LGR6: variants seen among roughly 807,000 people sequenced by gnomAD.
LGR6 encodes leucine-rich repeat-containing G protein-coupled receptor 6.
A neutral mutation model predicts 69.4 loss-of-function variants in LGR6; 45 were observed. That is an observed-to-expected ratio of 0.65 (90% CI 0.51 to 0.83). The LOEUF (loss-of-function observed/expected upper bound fraction) is 0.83, where lower values mean the gene tolerates loss of function less well. Among genes scored for constraint, LGR6 ranks in the 40% least tolerant of loss-of-function variants. LGR6 has a pLI of 0.00. For synonymous variants in LGR6, 538 were observed against 555.0 expected, an observed-to-expected ratio of 0.97 and a Z score of 0.43; for missense variants, 1,108 against 1,246.7, an observed-to-expected ratio of 0.89 and a Z score of 1.68.
chr1:202,217,047 A>G (rs2147929271), intron 1 of LGR6, among the ~76,000 whole-genome samples: 1 of 152,202 alleles, frequency 6.6e-6, no homozygotes. Flanking sequence ...TGCCGGGGAG[A>G]GCTAGAGATG....
At chr1:202,199,536 GC>G (rs1408798241) in intron 1 of LGR6, among the ~76,000 whole-genome samples, 6 of 152,300 alleles carry the variant, frequency 3.9e-5, no homozygotes, top group African/African-American at 1.4e-4. Flanking sequence ...GGAGAAGAAA[GC>G]CTGGCTCAGA....
At chr1:202,245,415 G>T (rs1163355643) in intron 4 of LGR6, among the ~76,000 whole-genome samples, 1 of 152,124 alleles carries the variant, frequency 6.6e-6, no homozygotes, top group African/African-American at 2.4e-5. Flanking sequence ...AGGGGATCAG[G>T]GGTGATTCTT....
Position 202,318,755 on chromosome 1 carries a change from C to G in LGR6, c.2452C>G (p.Leu818Val). 6.2e-7 allele frequency: 1 copy of G among 1,613,424 alleles called. No homozygotes were observed. The highest frequency in any genetic ancestry group is 2.2e-5 in the East Asian group (1 of 44,882). Residue 818 changes from leucine to valine, a missense_variant, in exon 18 of 18, where the codon CTG (leucine) becomes GTG (valine). Leu to Val is a conservative substitution (Grantham distance 32, BLOSUM62 1). Coordinates refer to ENST00000367278, the MANE Select transcript of LGR6 (RefSeq NM_001017403.2). ...GTCTGTCCTGCTGGTGGTGCTGCCC[C>G]TGCCTGCCTGCCTCAACCCACTGCT... ...VKSVLLVVLPLPACLNPLLYL... is the reference protein window; with the variant it reads ...VKSVLLVVLPVPACLNPLLYL...
intron 4 of LGR6, among the ~76,000 whole-genome samples, chr1:202,267,151 A>C (rs1664734435): frequency 6.6e-6 from 1 of 152,218 alleles, no homozygotes; most frequent in Non-Finnish European, 1.5e-5. Context: ...GCGGATAATG[A>C]ATATGTCTCT....
chr1:202,280,655 A>G, intron 5 of LGR6, 126 bp from the exon 6 acceptor site: 1 of 855,706 alleles, frequency 1.2e-6, no homozygotes, highest in South Asian at 1.4e-5. Context: ...AAACAAACGG[A>G]TGGACCATTA....
chr1:202,285,355 T>A (rs1053875068), intron 6 of LGR6, among the ~76,000 whole-genome samples: 2 of 152,218 alleles, frequency 1.3e-5, no homozygotes, highest in Non-Finnish European at 2.9e-5. Flanking sequence ...ATCGAGGTCC[T>A]CCCAGGGCTC....
Position 202,225,421 on chromosome 1 carries a change from A to G in LGR6, c.213-2A>G. On this transcript the variant is annotated splice_acceptor_variant, in intron 1 of 17. Transcript: ENST00000367278. LOFTEE classifies it high-confidence loss of function. ...CTCCTTTTTCCATCTTCTCTCCACC[A>G]GGGACCTCAGCATGAACAACCTCAC... 6.2e-7 allele frequency: 1 copy of G among 1,613,646 alleles called. No individual in the cohort carries two copies. Among genetic ancestry groups the G allele is most frequent in the Non-Finnish European group, 8.5e-7 (1 of 1,179,606 alleles).
rs114104247 is a variant in LGR6, at chr1:202,196,199, C to T, written c.212+1998C>T. Among the ~76,000 whole-genome samples the T allele has an allele frequency of 3.4e-3, 519 of 152,118 alleles. 2 individuals are homozygous for T. Among genetic ancestry groups the T allele is most frequent in the Non-Finnish European group, 4.8e-3 (326 of 67,978 alleles). The stretch of plus-strand genomic sequence containing the variant: ...ATATTGGAAGGAGGTGGCAGAGGAC[C>T]GTGTCCCCTGCCCTGGGCTGGGGAG... On this transcript the variant is annotated intron_variant, in intron 1 of 17. Transcript: ENST00000367278.
Position 202,318,796 on chromosome 1 carries a change from C to T in LGR6, c.2493C>T (p.Asn831=). 18 of 1,613,622 alleles carry T rather than the reference C, an allele frequency of 1.1e-5. No individual in the cohort carries two copies. The highest frequency in any genetic ancestry group is 1.5e-5 in the Non-Finnish European group (18 of 1,179,922). ...CLNPLLYLLF[N]PHFRDDLRRL... ...ACCCACTGCTGTACCTGCTCTTCAA[C>T]CCCCACTTCCGGGATGACCTTCGGC... The change falls in exon 18 of 18, where the codon AAC becomes AAT. Residue 831 remains asparagine (N), a synonymous_variant. Coordinates refer to ENST00000367278, the MANE Select transcript of LGR6 (RefSeq NM_001017403.2).
intron 1 of LGR6, among the ~76,000 whole-genome samples, chr1:202,218,444 G>T (rs1659928485): frequency 6.6e-6 from 1 of 152,202 alleles, no homozygotes; most frequent in Non-Finnish European, 1.5e-5. Context: ...GACCCTAGGT[G>T]TGTGCCACCG....
chr1:202,201,611 C>T (rs1658841489), intron 1 of LGR6, among the ~76,000 whole-genome samples: 3 of 152,290 alleles, frequency 2.0e-5, no homozygotes. Context: ...CTCAGAGGCC[C>T]ACAGCTGAGG....
intron 3 of LGR6, among the ~76,000 whole-genome samples, chr1:202,228,755 G>C (rs970732913): frequency 3.9e-5 from 6 of 152,140 alleles, no homozygotes; most frequent in Non-Finnish European, 8.8e-5. Flanking sequence ...GGATGCATAG[G>C]GACTGAAGGT....
At chr1:202,207,443 G>A (rs1053995590) in intron 1 of LGR6, among the ~76,000 whole-genome samples, 1 of 152,218 alleles carries the variant, frequency 6.6e-6, no homozygotes, top group East Asian at 1.9e-4. Flanking sequence ...ACTATGGGGT[G>A]CATTGTGCTA....
At chr1:202,315,800 G>A (rs1654097771) in intron 17 of LGR6, among the ~76,000 whole-genome samples, 1 of 152,148 alleles carries the variant, frequency 6.6e-6, no homozygotes, top group African/African-American at 2.4e-5. Flanking sequence ...GTGCCAGCTT[G>A]GGGCCAGAGC....
intron 1 of LGR6, among the ~76,000 whole-genome samples, chr1:202,204,426 T>C (rs1473274499): frequency 2.4e-3 from 72 of 29,906 alleles, no homozygotes; most frequent in East Asian, 5.2e-3. Context: ...CACACACACC[T>C]CCAAACACAC....
chr1:202,214,055 G>T (rs1434914172), intron 1 of LGR6: 2 of 1,339,988 alleles, frequency 1.5e-6, no homozygotes, highest in African/African-American at 3.1e-5. Flanking sequence ...CTATCCAGAG[G>T]GAAGGGCATA....
At chr1:202,263,399 C>A (rs1664393533) in intron 4 of LGR6, among the ~76,000 whole-genome samples, 1 of 152,148 alleles carries the variant, frequency 6.6e-6, no homozygotes, top group South Asian at 2.1e-4. Flanking sequence ...GCTGGGATTA[C>A]CCACATGAGC....
intron 14 of LGR6, among the ~76,000 whole-genome samples, chr1:202,308,039 T>C (rs1013286294): frequency 6.6e-6 from 1 of 152,136 alleles, no homozygotes; most frequent in South Asian, 2.1e-4. Context: ...TAAAAGCACA[T>C]CTACCTAGAC....
At chr1:202,310,823 A>G (rs1473283988) in intron 16 of LGR6, among the ~76,000 whole-genome samples, 6 of 152,122 alleles carry the variant, frequency 3.9e-5, no homozygotes, top group African/African-American at 1.4e-4. Context: ...TCCTAGAACC[A>G]AAAGGAACAG....
Sources: allele counts gnomAD v4.1 joint callset (sites outside exome capture counted in the v4.1 genomes callset), GRCh38; gene constraint gnomAD v4.1.1; transcripts MANE v1.5; gene names NCBI Gene and HGNC (gene_info 2026-07-23, HGNC 2026-07-21).